Variants in CDK6 observed in about 807,000 individuals in gnomAD.
CDK6 encodes cyclin dependent kinase 6.
A neutral mutation model predicts 37.1 loss-of-function variants in CDK6; 6 were observed. The ratio of observed to expected loss-of-function variants is 0.16; its 90% CI spans 0.09 to 0.32. The LOEUF (loss-of-function observed/expected upper bound fraction) is 0.32. Among genes scored for constraint, CDK6 ranks in the 10% least tolerant of loss-of-function variants. The pLI is 1.00. For missense variants in CDK6, 224 were observed against 418.9 expected (o/e 0.53, Z 4.06); for synonymous variants, 160 against 161.3 (o/e 0.99, Z 0.06).
At position 92,834,059 on chromosome 7, in the gene CDK6, A is replaced by G. The variant is rs1007624373; in HGVS notation, c.-367-369T>C. ...ATGTCACGGCTTAATATTTATCCCT[A>G]TATCATTGTGTTGCGCCGCTACCCT... On this transcript the variant is annotated intron_variant, in intron 1 of 7. Coordinates refer to ENST00000424848, the MANE Select transcript of CDK6 (RefSeq NM_001145306.2). The surrounding 1 kb of genome is among the most constrained non-coding windows in gnomAD (Gnocchi z 4.6). 4.9e-5 allele frequency: 19 copies of G among 389,126 alleles called. No homozygotes were observed. The highest frequency in any genetic ancestry group is 8.6e-5 in the Non-Finnish European group (19 of 221,016). 24.1% of individuals were successfully genotyped at this position (389,126 alleles called of 1,614,324 possible). A position where few individuals can be genotyped will look rare whatever the true frequency, so the allele number is the denominator to read the frequency against.
At chr7:92,675,273 A>G (rs547816814) in intron 4 of CDK6, among the ~76,000 whole-genome samples, 1 of 152,242 alleles carries the variant, frequency 6.6e-6, no homozygotes, top group Non-Finnish European at 1.5e-5. Flanking sequence ...CAATATTGAT[A>G]TGTTAGGGAA....
chr7:92,825,484 A>ACC (rs112310450), intron 2 of CDK6, among the ~76,000 whole-genome samples: 11 of 151,678 alleles, frequency 7.3e-5, no homozygotes, highest in South Asian at 2.1e-4. Context: ...ACACACACAC[A>ACC]CCCCAACCAT....
intron 4 of CDK6, among the ~76,000 whole-genome samples, chr7:92,702,700 T>A (rs1303560826): frequency 6.6e-6 from 1 of 152,172 alleles, no homozygotes; most frequent in Non-Finnish European, 1.5e-5. Context: ...ACCCACAGAC[T>A]TTGGTGCCAG....
At chr7:92,759,584 T>C (rs1321665555) in intron 3 of CDK6, among the ~76,000 whole-genome samples, 1 of 151,980 alleles carries the variant, frequency 6.6e-6, no homozygotes, top group African/African-American at 2.4e-5. Context: ...GGTATTTATC[T>C]TTCTGCAAGT....
At chr7:92,809,590 A>C (rs1336352427) in intron 2 of CDK6, among the ~76,000 whole-genome samples, 1 of 152,226 alleles carries the variant, frequency 6.6e-6, no homozygotes, top group South Asian at 2.1e-4. Flanking sequence ...AAAAGACCAA[A>C]TGAGTTATAG....
At chr7:92,671,325 C>T (rs1032013907) in intron 5 of CDK6, 101 bp downstream of exon 5, 1 of 700,324 alleles carries the variant, frequency 1.4e-6, no homozygotes, top group Non-Finnish European at 2.3e-6. Context: ...ATCTGGCCAT[C>T]ATGACCCCTA....
intron 4 of CDK6, chr7:92,724,968 T>C (rs528063251): frequency 1.7e-5 from 16 of 933,222 alleles, no homozygotes; most frequent in East Asian, 2.3e-4. Context: ...TATGGAGAAA[T>C]AGAAGCTAAC....
chr7:92,650,039 T>C (rs1049095002), intron 5 of CDK6, among the ~76,000 whole-genome samples: 1 of 152,230 alleles, frequency 6.6e-6, no homozygotes, highest in African/African-American at 2.4e-5. Context: ...ATCTCCCCTT[T>C]GTATAGTTTT....
intron 2 of CDK6, among the ~76,000 whole-genome samples, chr7:92,820,833 C>T (rs1039586987): frequency 1.3e-5 from 2 of 151,988 alleles, no homozygotes; most frequent in African/African-American, 2.4e-5. Context: ...GCACCAAAAA[C>T]AGACAGTGAA....
rs1012434605 is a variant in CDK6, at chr7:92,606,339, T to C, written c.*8801A>G. 1.3e-5 allele frequency: 3 copies of C among 233,172 alleles called. No individual in the cohort carries two copies. The highest frequency in any genetic ancestry group is 2.5e-5 in the Non-Finnish European group (3 of 118,048). 14.4% of individuals were successfully genotyped at this position (233,172 alleles called of 1,614,324 possible). A position where few individuals can be genotyped will look rare whatever the true frequency, so the allele number is the denominator to read the frequency against. ...TCTGTGCCCAGCATCAGGAACCATC[T>C]CTAGATGAATGTGGCTAGGTCAAGT... is the stretch of plus-strand genomic sequence containing the variant. On this transcript the variant is annotated 3_prime_UTR_variant, in exon 8 of 8. Transcript: ENST00000424848.
At chr7:92,676,017 C>CTGACATAA (rs1486015695) in intron 4 of CDK6, among the ~76,000 whole-genome samples, 1 of 151,842 alleles carries the variant, frequency 6.6e-6, no homozygotes, top group Non-Finnish European at 1.5e-5. Context: ...TATAAAAAAA[C>CTGACATAA]TGACATAATT....
chr7:92,726,028 T>C (rs1413806722), intron 3 of CDK6, among the ~76,000 whole-genome samples: 2 of 152,178 alleles, frequency 1.3e-5, no homozygotes, highest in African/African-American at 2.4e-5. Context: ...AGGACAATTT[T>C]AAAATAGTTT....
intron 3 of CDK6, among the ~76,000 whole-genome samples, chr7:92,729,465 C>T (rs1798592303): frequency 6.6e-6 from 1 of 152,180 alleles, no homozygotes; most frequent in Non-Finnish European, 1.5e-5. Context: ...GGGACCCTCA[C>T]TCTATCTTTT....
At chr7:92,794,470 C>T (rs1800357605) in intron 2 of CDK6, among the ~76,000 whole-genome samples, 1 of 152,070 alleles carries the variant, frequency 6.6e-6, no homozygotes, top group African/African-American at 2.4e-5. Context: ...CCACTCCATC[C>T]TCATCTTTTA....
chr7:92,784,531 C>T (rs1800074624), intron 2 of CDK6, among the ~76,000 whole-genome samples: 1 of 152,100 alleles, frequency 6.6e-6, no homozygotes, highest in African/African-American at 2.4e-5. Context: ...TTAACAGTTA[C>T]CTTCAATCAG....
chr7:92,672,160 T>TATATATATACAC (rs1210519115), intron 4 of CDK6, among the ~76,000 whole-genome samples: 18 of 79,060 alleles, frequency 2.3e-4, no homozygotes, highest in East Asian at 7.8e-4. Context: ...TATATATATA[T>TATATATATACAC]ACACATACAC....
intron 4 of CDK6, among the ~76,000 whole-genome samples, chr7:92,712,378 G>C (rs1798116098): frequency 6.6e-6 from 1 of 152,070 alleles, no homozygotes; most frequent in Non-Finnish European, 1.5e-5. Flanking sequence ...TAAAGCAATT[G>C]ATGAATATCT....
At chr7:92,778,144 C>T (rs1008485822) in intron 2 of CDK6, among the ~76,000 whole-genome samples, 6 of 151,604 alleles carry the variant, frequency 4.0e-5, no homozygotes, top group Non-Finnish European at 8.8e-5. Flanking sequence ...AAAACCCCAC[C>T]ACTGTAATTA....
chr7:92,699,051 A>T (rs965107276), intron 4 of CDK6, among the ~76,000 whole-genome samples: 1 of 152,190 alleles, frequency 6.6e-6, no homozygotes, highest in Non-Finnish European at 1.5e-5. Flanking sequence ...TATGCCCATA[A>T]CTATATTTTA....
Sources: allele counts gnomAD v4.1 joint callset (sites outside exome capture counted in the v4.1 genomes callset), GRCh38; gene constraint gnomAD v4.1.1; non-coding constraint Gnocchi (gnomAD v3.1); transcripts MANE v1.5; gene names NCBI Gene and HGNC (gene_info 2026-07-23, HGNC 2026-07-21).